The following GABRA1 variants were observed in gnomAD, a reference collection of about 807,000 sequenced individuals.
GABRA1 encodes gamma-aminobutyric acid type A receptor subunit alpha1, also known as gamma-aminobutyric acid receptor subunit alpha-1.
GABRA1 carries 9 observed loss-of-function variants against 48.9 expected under a neutral mutation model. The observed-to-expected ratio is 0.18, with a 90% CI of 0.11 to 0.32. GABRA1 has a LOEUF of 0.32. GABRA1 is among the 10% of genes least tolerant of loss of function. The pLI is 1.00. For synonymous variants in GABRA1, 210 were observed against 198.7 expected (o/e 1.06, Z -0.48); for missense variants, 285 against 553.8 (o/e 0.51, Z 4.87).
In GABRA1 at chr5:161,863,802, C is replaced by G. The variant is rs182685415; in HGVS notation, c.188-1919C>G. On this transcript the variant is annotated intron_variant, in intron 3 of 9. Coordinates refer to ENST00000393943, the MANE Select transcript of GABRA1 (RefSeq NM_001127644.2). Reference sequence around the variant, plus strand: ...ATTATATAGTTATATACGCCTCAAGCGTACCCTACAGCTTTTGAAATATCT... The same window carrying G: ...ATTATATAGTTATATACGCCTCAAGGGTACCCTACAGCTTTTGAAATATCT... 3.9e-3 allele frequency among the ~76,000 whole-genome samples: 591 copies of G among 151,728 alleles called. 5 individuals are homozygous for G. Among genetic ancestry groups the G allele is most frequent in the African/African-American group, 0.014 (568 of 41,406 alleles).
At chr5:161,867,669 A>T (rs574790855) in intron 4 of GABRA1, among the ~76,000 whole-genome samples, 1 of 152,214 alleles carries the variant, frequency 6.6e-6, no homozygotes, top group Non-Finnish European at 1.5e-5. Flanking sequence ...TGAGCTCCTT[A>T]TCATGCCATG....
At chr5:161,864,320 A>G (rs917882940) in intron 3 of GABRA1, among the ~76,000 whole-genome samples, 1 of 152,060 alleles carries the variant, frequency 6.6e-6, no homozygotes, top group African/African-American at 2.4e-5. Context: ...ATCATCTAGC[A>G]TTAGGTATAT....
chr5:161,884,764 G>T (rs1351655324), intron 7 of GABRA1, among the ~76,000 whole-genome samples: 2 of 152,148 alleles, frequency 1.3e-5, no homozygotes, highest in Non-Finnish European at 2.9e-5. Flanking sequence ...TATGTATGAA[G>T]TCTCAAAGGT....
At chr5:161,852,489 C>A (rs1395221764) in intron 2 of GABRA1, among the ~76,000 whole-genome samples, 19 of 151,988 alleles carry the variant, frequency 1.3e-4, no homozygotes, top group Admixed American at 1.2e-3. Flanking sequence ...ATCAAGATGA[C>A]CTTCCAGCAT....
At chr5:161,850,413 C>T in intron 1 of GABRA1, 1 of 439,160 alleles carries the variant, frequency 2.3e-6, no homozygotes, top group East Asian at 3.3e-5. Context: ...GCACAGTTCA[C>T]TGTGGAAACT....
intron 3 of GABRA1, among the ~76,000 whole-genome samples, chr5:161,860,059 C>G (rs1266439231): frequency 1.3e-5 from 2 of 151,808 alleles, no homozygotes; most frequent in Non-Finnish European, 2.9e-5. Flanking sequence ...TGTACCTAGA[C>G]ATTTCATAAT....
upstream of GABRA1, chr5:161,847,243 A>G (rs1757249906): frequency 6.6e-6 from 1 of 152,132 alleles, no homozygotes; most frequent in Non-Finnish European, 1.5e-5. Context: ...TTTCGTCCTG[A>G]CTTCTAAAAA....
intron 5 of GABRA1, among the ~76,000 whole-genome samples, chr5:161,874,979 G>T (rs1466631433): frequency 2.0e-5 from 3 of 152,088 alleles, no homozygotes; most frequent in Non-Finnish European, 2.9e-5. Flanking sequence ...CAATTAGATG[G>T]TGGGTTTGTA....
At chr5:161,887,815 T>C (rs1754914568) in intron 7 of GABRA1, among the ~76,000 whole-genome samples, 1 of 152,042 alleles carries the variant, frequency 6.6e-6, no homozygotes, top group South Asian at 2.1e-4. Context: ...GAAATAGAGT[T>C]TTTAAAAAGT....
chr5:161,873,720 A>G (rs773783696), intron 5 of GABRA1, among the ~76,000 whole-genome samples: 52 of 152,178 alleles, frequency 3.4e-4, no homozygotes, highest in Non-Finnish European at 5.3e-4. Context: ...AAAACAAAAA[A>G]TATGGAAAGT....
chr5:161,854,456 A>T lies in GABRA1; in HGVS notation c.187+186A>T, dbSNP rs60669065. On this transcript the variant is annotated intron_variant, in intron 3 of 9. Transcript: ENST00000393943. ...TGTAGTTTCATATCCATACGTAGTA[A>T]AAGGCAGACACAAACTTCTAATAAT... 0.047 allele frequency among the ~76,000 whole-genome samples: 7,091 copies of T among 151,814 alleles called. 210 individuals are homozygous for T. Among genetic ancestry groups the T allele is most frequent in the African/African-American group, 0.073 (3,050 of 41,504 alleles).
At chr5:161,850,011 CA>C in intron 1 of GABRA1, 1 of 151,882 alleles carries the variant, frequency 6.6e-6, no homozygotes, top group Non-Finnish European at 1.5e-5. Context: ...TGAGATGAAA[CA>C]TTTTCTAGCA....
chr5:161,887,481 A>G (rs1456940301), intron 7 of GABRA1, among the ~76,000 whole-genome samples: 1 of 152,150 alleles, frequency 6.6e-6, no homozygotes, highest in Non-Finnish European at 1.5e-5. Context: ...TGGTCAAACC[A>G]TTTATATTTC....
intron 7 of GABRA1, among the ~76,000 whole-genome samples, chr5:161,887,136 T>C (rs1256477555): frequency 2.0e-5 from 3 of 152,198 alleles, no homozygotes; most frequent in African/African-American, 7.2e-5. Flanking sequence ...TAAATAAATT[T>C]GATTATAAGA....
At chr5:161,856,728 C>G (rs1027096475) in intron 3 of GABRA1, among the ~76,000 whole-genome samples, 1 of 150,986 alleles carries the variant, frequency 6.6e-6, no homozygotes, top group East Asian at 2.0e-4. Flanking sequence ...TAAAATGGCA[C>G]ATGTTTATTA....
At position 161,878,679 on chromosome 5, in the gene GABRA1, T is replaced by C. The variant is rs139113787; in HGVS notation, c.559+3037T>C. 5.6e-3 allele frequency among the ~76,000 whole-genome samples: 850 copies of C among 152,252 alleles called. 9 individuals carry two copies. The highest frequency in any genetic ancestry group is 0.019 in the African/African-American group (791 of 41,556). ...TATGGATAAAGCTCTCTTTATAAAG[T>C]CAGCTAACCCGAGGGCAATGTGCAT... On this transcript the variant is annotated intron_variant, in intron 6 of 9. Transcript: ENST00000393943.
chr5:161,866,422 A>G (rs559597518), intron 4 of GABRA1, among the ~76,000 whole-genome samples: 6 of 152,252 alleles, frequency 3.9e-5, no homozygotes, highest in Admixed American at 6.6e-5. Flanking sequence ...TACAGAAATT[A>G]TATAATATTC....
chr5:161,854,541 A>G (rs983880251), intron 3 of GABRA1, among the ~76,000 whole-genome samples: 2 of 151,764 alleles, frequency 1.3e-5, no homozygotes, highest in African/African-American at 4.8e-5. Context: ...TAACGATTTT[A>G]TCATATAGGT....
intron 6 of GABRA1, 94 bp from the exon 7 acceptor site, chr5:161,882,464 G>T: frequency 8.3e-7 from 1 of 1,197,692 alleles, no homozygotes; most frequent in Non-Finnish European, 1.2e-6. Context: ...CTGGAACCAT[G>T]ATATAGAAAA....
Sources: allele counts gnomAD v4.1 joint callset (sites outside exome capture counted in the v4.1 genomes callset), GRCh38; gene constraint gnomAD v4.1.1; transcripts MANE v1.5; gene names NCBI Gene and HGNC (gene_info 2026-07-23, HGNC 2026-07-21).